The following C16orf78 variants were observed in gnomAD, a reference collection of about 807,000 sequenced individuals.
C16orf78 encodes the protein chromosome 16 open reading frame 78, also known as uncharacterized protein C16orf78.
In C16orf78, 19 loss-of-function variants were observed where a neutral mutation model predicts 27.3. The observed-to-expected ratio is 0.70, with a 90% CI of 0.49 to 1.02. The LOEUF (loss-of-function observed/expected upper bound fraction) is 1.02. C16orf78 is among the 50% of genes least tolerant of loss of function. The probability of loss-of-function intolerance (pLI) is 0.00; values close to 1 mark genes in which losing one functional copy is unlikely to be tolerated. For missense variants in C16orf78, 339 were observed against 337.0 expected (o/e 1.01, Z -0.05); for synonymous variants, 130 against 116.1 (o/e 1.12, Z -0.77).
intron 3 of C16orf78, among the ~76,000 whole-genome samples, chr16:49,389,537 A>G (rs530603864): frequency 3.3e-5 from 5 of 152,260 alleles, no homozygotes; most frequent in Non-Finnish European, 5.9e-5. Context: ...CGGAAGCTGC[A>G]GTGAGCCAAG....
chr16:49,396,156 C>A (rs960207489), intron 3 of C16orf78, among the ~76,000 whole-genome samples: 2 of 152,094 alleles, frequency 1.3e-5, no homozygotes, highest in Non-Finnish European at 2.9e-5. Context: ...GCAGGAGGAT[C>A]ACTTGAACCT....
Position 49,396,411 on chromosome 16 carries a change from G to A in C16orf78, c.395-12G>A, listed in dbSNP as rs1279700939. 9.9e-6 allele frequency: 16 copies of A among 1,613,696 alleles called. No individual in the cohort carries two copies. Among genetic ancestry groups the A allele is most frequent in the Non-Finnish European group, 1.4e-5 (16 of 1,179,804 alleles). Reference sequence around the variant, plus strand: ...ACGGTCTAACTCTTTGATGGCATCTGTCCAATTTCAGATACAGACATCAAG... The same window carrying A: ...ACGGTCTAACTCTTTGATGGCATCTATCCAATTTCAGATACAGACATCAAG... On this transcript the variant is annotated splice_polypyrimidine_tract_variant and intron_variant, in intron 3 of 4. Transcript: ENST00000299191.
intron 1 of C16orf78, among the ~76,000 whole-genome samples, chr16:49,377,008 G>A (rs1457499056): frequency 6.6e-6 from 1 of 152,182 alleles, no homozygotes; most frequent in Non-Finnish European, 1.5e-5. Flanking sequence ...TTATAGACTA[G>A]GCAGAATGCT....
intron 3 of C16orf78, among the ~76,000 whole-genome samples, chr16:49,382,562 T>C (rs777747598): frequency 2.6e-5 from 4 of 152,168 alleles, no homozygotes; most frequent in Non-Finnish European, 4.4e-5. Flanking sequence ...TTTTCCCTAG[T>C]TACATGTCTT....
chr16:49,388,105 T>G (rs1265577654), intron 3 of C16orf78, among the ~76,000 whole-genome samples: 1 of 152,102 alleles, frequency 6.6e-6, no homozygotes, highest in Admixed American at 6.5e-5. Flanking sequence ...GACAACATAG[T>G]GAGATCCTGT....
chr16:49,380,625 T>A (rs896198876), intron 3 of C16orf78, among the ~76,000 whole-genome samples: 3 of 152,252 alleles, frequency 2.0e-5, no homozygotes, highest in African/African-American at 7.2e-5. Context: ...AAGAATTACA[T>A]CTTTAGTTTA....
rs1965509821 is a variant in C16orf78, at chr16:49,399,129, AG to A, written c.651-1del. 1.2e-6 allele frequency: 2 copies of A among 1,613,802 alleles called. No individual in the cohort carries two copies. The highest frequency in any genetic ancestry group is 2.7e-5 in the African/African-American group (2 of 74,946). On this transcript the variant is annotated splice_acceptor_variant, in intron 4 of 4. Transcript: ENST00000299191. LOFTEE classifies it high-confidence loss of function. ...TGACCTCTTTTGCCTTCTCTTGAAC[AG>A]ATACCTGAGGTTATCCAAGGAGAAC...
chr16:49,381,555 A>G (rs1276937956), intron 3 of C16orf78, among the ~76,000 whole-genome samples: 1 of 152,128 alleles, frequency 6.6e-6, no homozygotes, highest in Non-Finnish European at 1.5e-5. Context: ...AATGAACTCA[A>G]ACAAATTTAC....
intron 1 of C16orf78, among the ~76,000 whole-genome samples, 186 bp from the exon 2 acceptor site, chr16:49,377,545 C>T (rs960034946): frequency 1.3e-5 from 2 of 151,936 alleles, no homozygotes; most frequent in Non-Finnish European, 2.9e-5. Context: ...GCTCTGGGGG[C>T]GGCGACATGT....
intron 3 of C16orf78, among the ~76,000 whole-genome samples, chr16:49,390,175 C>A (rs1965395728): frequency 6.6e-6 from 1 of 152,072 alleles, no homozygotes; most frequent in Non-Finnish European, 1.5e-5. Context: ...CTAAGATTTT[C>A]TTTTAAGAAA....
In C16orf78 at chr16:49,377,774, A is replaced by C. The variant is rs1325009538; in HGVS notation, c.194A>C (p.Lys65Thr). 6.3e-7 allele frequency: 1 copy of C among 1,599,510 alleles called. No homozygotes were observed. The highest frequency in any genetic ancestry group is 8.5e-7 in the Non-Finnish European group (1 of 1,172,958). ...KVVTVLKRNK[K>T]KEEKKGKGLM... ...GTGACAGTCCTTAAACGAAATAAGA[A>C]GAAGGAAGAGAAGAAAGGCAAAGGC... is the stretch of plus-strand genomic sequence containing the variant. Residue 65 changes from lysine (K) to threonine (T), a missense_variant, in exon 2 of 5, where the codon AAG becomes ACG. Coordinates refer to ENST00000299191, the MANE Select transcript of C16orf78 (RefSeq NM_144602.4).
chr16:49,396,761 G>A (rs1965480762), intron 4 of C16orf78, 83 bp downstream of exon 4: 11 of 1,501,010 alleles, frequency 7.3e-6, no homozygotes, highest in Non-Finnish European at 9.7e-6. Flanking sequence ...CAAACACCTT[G>A]GCTTAGCCTG....
intron 3 of C16orf78, among the ~76,000 whole-genome samples, chr16:49,388,150 C>G (rs928097250): frequency 6.6e-6 from 1 of 151,902 alleles, no homozygotes; most frequent in Non-Finnish European, 1.5e-5. Flanking sequence ...TTTTAAAAAC[C>G]CACAACTCCT....
At chr16:49,374,748 C>A (rs1401485393) in intron 1 of C16orf78, among the ~76,000 whole-genome samples, 1 of 152,236 alleles carries the variant, frequency 6.6e-6, no homozygotes, top group African/African-American at 2.4e-5. Flanking sequence ...CTCCTCTTTT[C>A]TACCCTACAT....
intron 3 of C16orf78, among the ~76,000 whole-genome samples, chr16:49,385,137 A>C (rs1365957184): frequency 6.6e-6 from 1 of 152,322 alleles, no homozygotes; most frequent in African/African-American, 2.4e-5. Flanking sequence ...TCAAATTTCA[A>C]ATTTTCTAAT....
chr16:49,393,786 C>T (rs1322770932), intron 3 of C16orf78, among the ~76,000 whole-genome samples: 2 of 151,832 alleles, frequency 1.3e-5, no homozygotes, highest in Non-Finnish European at 2.9e-5. Context: ...TGTTAAAAGG[C>T]TAAATATAAA....
intron 3 of C16orf78, among the ~76,000 whole-genome samples, chr16:49,390,704 C>G (rs946205712): frequency 3.3e-5 from 5 of 152,290 alleles, no homozygotes; most frequent in Admixed American, 1.3e-4. Context: ...CGGCTTGTGC[C>G]GATTAGTCCT....
chr16:49,374,148 G>A (rs1965188508), intron 1 of C16orf78, 59 bp downstream of exon 1: 1 of 1,589,264 alleles, frequency 6.3e-7, no homozygotes, highest in Non-Finnish European at 8.6e-7. Flanking sequence ...TGCAGTAGGG[G>A]AGAGAGATTG....
chr16:49,390,736 T>C (rs1596929388), intron 3 of C16orf78, among the ~76,000 whole-genome samples: 1 of 152,382 alleles, frequency 6.6e-6, no homozygotes, highest in East Asian at 1.9e-4. Context: ...AATCTTTGCA[T>C]AACTTTGCAG....
Sources: gnomAD v4.1 joint callset for allele counts (sites outside exome capture counted in the v4.1 genomes callset) on GRCh38, gnomAD v4.1.1 for gene constraint, MANE v1.5 for transcripts, NCBI Gene and HGNC (gene_info 2026-07-23, HGNC 2026-07-21) for gene names.